The following CD226 variants were observed in gnomAD, a reference collection of about 807,000 sequenced individuals.
The protein encoded by CD226 is CD226 molecule.
In CD226, 24 loss-of-function variants were observed where a neutral mutation model predicts 34.9. The observed-to-expected ratio is 0.69, with a 90% CI of 0.50 to 0.97. The LOEUF (loss-of-function observed/expected upper bound fraction) is 0.97, where lower values mean the gene tolerates loss of function less well. CD226 is among the 50% of genes least tolerant of loss of function. CD226 has a pLI of 0.00. For synonymous variants in CD226, 148 were observed against 147.4 expected (o/e 1.00, Z -0.03); for missense variants, 397 against 412.7 (o/e 0.96, Z 0.33).
intron 4 of CD226, among the ~76,000 whole-genome samples, chr18:69,870,145 G>C (rs1264274728): frequency 6.6e-6 from 1 of 151,620 alleles, no homozygotes; most frequent in Admixed American, 6.6e-5. Flanking sequence ...CGAAAACCAA[G>C]GTTCCCTATC....
intron 2 of CD226, among the ~76,000 whole-genome samples, chr18:69,943,990 T>A (rs990344187): frequency 6.7e-6 from 1 of 148,296 alleles, no homozygotes; most frequent in African/African-American, 2.5e-5. Flanking sequence ...TTTTTTTTTT[T>A]ACTATTTAAT....
chr18:69,959,653 T>G (rs1162605440), upstream of CD226, among the ~76,000 whole-genome samples: 1 of 152,216 alleles, frequency 6.6e-6, no homozygotes, highest in South Asian at 2.1e-4. Context: ...TCATAGTTAT[T>G]TTTTAAGTCA....
chr18:69,955,951 T>C (rs1031792545), intron 1 of CD226, among the ~76,000 whole-genome samples: 1 of 151,874 alleles, frequency 6.6e-6, no homozygotes, highest in African/African-American at 2.4e-5. Context: ...AAGAGAACCT[T>C]TCCAATGTGG....
intron 2 of CD226, among the ~76,000 whole-genome samples, chr18:69,900,583 T>A (rs1598989455): frequency 6.7e-6 from 1 of 149,322 alleles, no homozygotes; most frequent in African/African-American, 2.5e-5. Flanking sequence ...ATACAAAAAA[T>A]TAGCCGGGCG....
intron 3 of CD226, among the ~76,000 whole-genome samples, chr18:69,886,234 G>A (rs1271612039): frequency 6.6e-6 from 1 of 152,166 alleles, no homozygotes; most frequent in Non-Finnish European, 1.5e-5. Context: ...GACGTCAAAC[G>A]TGGGCAGTCA....
At chr18:69,881,180 C>CT (rs952309305) in intron 3 of CD226, among the ~76,000 whole-genome samples, 1 of 152,098 alleles carries the variant, frequency 6.6e-6, no homozygotes, top group African/African-American at 2.4e-5. Flanking sequence ...ATAAAATTAA[C>CT]TTTTTTTAGA....
intron 2 of CD226, among the ~76,000 whole-genome samples, chr18:69,896,759 T>G (rs1985328056): frequency 6.6e-6 from 1 of 152,208 alleles, no homozygotes; most frequent in Non-Finnish European, 1.5e-5. Flanking sequence ...TTATAATCAT[T>G]CTGGCTAAGA....
intron 2 of CD226, among the ~76,000 whole-genome samples, chr18:69,934,059 G>A (rs970322050): frequency 2.6e-5 from 4 of 152,116 alleles, no homozygotes; most frequent in Non-Finnish European, 4.4e-5. Context: ...CTTTACAAAG[G>A]ATCTCTTTTG....
intron 2 of CD226, among the ~76,000 whole-genome samples, chr18:69,913,875 C>T (rs996741953): frequency 3.9e-5 from 6 of 152,020 alleles, no homozygotes; most frequent in African/African-American, 1.2e-4. Context: ...ACAACCTCAC[C>T]GGAAAGGGAG....
At chr18:69,929,102 G>T (rs145640177) in intron 2 of CD226, among the ~76,000 whole-genome samples, 3 of 152,136 alleles carry the variant, frequency 2.0e-5, no homozygotes, top group Non-Finnish European at 4.4e-5. Context: ...GGGGATTGTG[G>T]GTGACTCAGG....
chr18:69,926,464 C>T (rs1035301950), intron 2 of CD226, among the ~76,000 whole-genome samples: 7 of 152,076 alleles, frequency 4.6e-5, no homozygotes, highest in Non-Finnish European at 1.0e-4. Context: ...CCCATGAGAG[C>T]GTTATTTCAT....
intron 2 of CD226, among the ~76,000 whole-genome samples, chr18:69,937,073 A>C (rs571328686): frequency 6.6e-5 from 10 of 152,342 alleles, no homozygotes; most frequent in African/African-American, 2.4e-4. Flanking sequence ...CCGAAATGAA[A>C]GTGTGCAAAT....
rs574142194 is a variant in CD226, at chr18:69,943,138, T to C, written c.382+3596A>G. Reference sequence around the variant, plus strand: ...TGTTGTATTACGGGAACATATTACCTCCCCATAGTGCTTCATAAGGATTAA... The same window carrying C: ...TGTTGTATTACGGGAACATATTACCCCCCCATAGTGCTTCATAAGGATTAA... On this transcript the variant is annotated intron_variant, in intron 2 of 5. Transcript: ENST00000582621. 2.3e-3 allele frequency among the ~76,000 whole-genome samples: 350 copies of C among 152,266 alleles called. 1 individual carries two copies. Among genetic ancestry groups the C allele is most frequent in the African/African-American group, 8.1e-3 (336 of 41,562 alleles).
chr18:69,942,842 T>G (rs970462982), intron 2 of CD226, among the ~76,000 whole-genome samples: 1 of 152,170 alleles, frequency 6.6e-6, no homozygotes, highest in Admixed American at 6.5e-5. Context: ...ACCTCCACTG[T>G]GCCCTTCTTT....
chr18:69,942,046 T>C (rs1309735959), intron 2 of CD226, among the ~76,000 whole-genome samples: 1 of 152,190 alleles, frequency 6.6e-6, no homozygotes, highest in Non-Finnish European at 1.5e-5. Flanking sequence ...TTCTCCTTCC[T>C]GCTGCCATGT....
chr18:69,950,644 T>C (rs796185343), upstream of CD226, among the ~76,000 whole-genome samples: 3 of 152,138 alleles, frequency 2.0e-5, no homozygotes, highest in African/African-American at 7.2e-5. Flanking sequence ...GGAGAGCAGG[T>C]GCACAAAGTC....
intron 4 of CD226, among the ~76,000 whole-genome samples, chr18:69,870,754 C>A (rs1420700927): frequency 6.6e-6 from 1 of 152,206 alleles, no homozygotes. Flanking sequence ...CAGTTTTGTT[C>A]AGGGACACTG....
chr18:69,960,239 T>TAAAAAA (rs552196121), upstream of CD226, among the ~76,000 whole-genome samples: 1 of 126,656 alleles, frequency 7.9e-6, no homozygotes, highest in Admixed American at 8.2e-5. Context: ...GACTCCATCT[T>TAAAAAA]AAAAAAAAAA....
At chr18:69,916,862 T>C (rs1030204820) in intron 2 of CD226, among the ~76,000 whole-genome samples, 2 of 152,204 alleles carry the variant, frequency 1.3e-5, no homozygotes, top group African/African-American at 4.8e-5. Flanking sequence ...TCTGAACCTT[T>C]GTGACATGGT....
Sources: allele counts gnomAD v4.1 joint callset (sites outside exome capture counted in the v4.1 genomes callset), GRCh38; gene constraint gnomAD v4.1.1; transcripts MANE v1.5; gene names NCBI Gene and HGNC (gene_info 2026-07-23, HGNC 2026-07-21).